The following CSMD1 variants were observed in gnomAD, a reference collection of about 807,000 sequenced individuals.
CSMD1 encodes CUB and sushi domain-containing protein 1.
A neutral mutation model predicts 417.5 loss-of-function variants in CSMD1; 213 were observed. The observed-to-expected ratio is 0.51, with a 90% CI of 0.46 to 0.57. The LOEUF (loss-of-function observed/expected upper bound fraction) is 0.57, where lower values mean the gene tolerates loss of function less well. Ranked by LOEUF, CSMD1 falls within the 20% of genes least tolerant of loss-of-function variation. The pLI is 0.00. For synonymous variants in CSMD1, 2,862 were observed against 1,736.8 expected (o/e 1.65, Z -16.11); for missense variants, 6,923 against 4,529.7 (o/e 1.53, Z -15.17).
intron 5 of CSMD1, among the ~76,000 whole-genome samples, chr8:3,761,678 G>A (rs569318094): frequency 1.3e-5 from 2 of 151,906 alleles, no homozygotes; most frequent in South Asian, 4.2e-4. Flanking sequence ...GCTAATTTTT[G>A]TATTTTTAGT....
intron 2 of CSMD1, among the ~76,000 whole-genome samples, chr8:4,458,908 T>C (rs563508403): frequency 1.3e-5 from 2 of 152,298 alleles, no homozygotes; most frequent in African/African-American, 2.4e-5. Flanking sequence ...GAGAATGTAT[T>C]AAAAATATTT....
chr8:3,869,833 A>G (rs1805360314), intron 5 of CSMD1, among the ~76,000 whole-genome samples: 1 of 151,926 alleles, frequency 6.6e-6, no homozygotes, highest in Non-Finnish European at 1.5e-5. Flanking sequence ...CCACTTAATA[A>G]TCACATTCCA....
chr8:4,159,497 A>G (rs1797024514), intron 3 of CSMD1, among the ~76,000 whole-genome samples: 1 of 152,234 alleles, frequency 6.6e-6, no homozygotes, highest in African/African-American at 2.4e-5. Context: ...GAGTGGATAA[A>G]GAAACTGTGG....
At chr8:4,300,703 G>A (rs945295413) in intron 3 of CSMD1, among the ~76,000 whole-genome samples, 3 of 152,090 alleles carry the variant, frequency 2.0e-5, no homozygotes, top group African/African-American at 7.2e-5. Context: ...CCCCACAACA[G>A]TCCCCGGAGT....
intron 4 of CSMD1, among the ~76,000 whole-genome samples, chr8:4,014,479 T>G (rs746096758): frequency 6.6e-6 from 1 of 152,190 alleles, no homozygotes; most frequent in African/African-American, 2.4e-5. Flanking sequence ...TTTTAGACAT[T>G]GAGTTGGCTT....
chr8:4,007,073 C>T (rs1013036990), intron 4 of CSMD1, among the ~76,000 whole-genome samples: 1 of 152,006 alleles, frequency 6.6e-6, no homozygotes, highest in African/African-American at 2.4e-5. Flanking sequence ...CTCCTCACTT[C>T]GTGATCCAGC....
chr8:3,236,482 T>A (rs1488741709), intron 26 of CSMD1, among the ~76,000 whole-genome samples: 1 of 152,176 alleles, frequency 6.6e-6, no homozygotes, highest in South Asian at 2.1e-4. Flanking sequence ...GCAGAATACA[T>A]CGGTTGGGTC....
chr8:3,638,843 A>T (rs1200765785), intron 7 of CSMD1, among the ~76,000 whole-genome samples: 1 of 152,172 alleles, frequency 6.6e-6, no homozygotes. Context: ...CTCCAGGAAG[A>T]TACCCTGGAA....
intron 1 of CSMD1, among the ~76,000 whole-genome samples, chr8:4,680,461 C>T (rs1805967868): frequency 6.6e-6 from 1 of 152,114 alleles, no homozygotes; most frequent in Non-Finnish European, 1.5e-5. Context: ...CATCATCGTA[C>T]CTTCACACTT....
Position 3,961,710 on chromosome 8 carries a change from T to C in CSMD1, c.818+36193A>G, listed in dbSNP as rs79492633. 5.7e-3 allele frequency among the ~76,000 whole-genome samples: 871 copies of C among 152,326 alleles called. 5 individuals are homozygous for C. Among genetic ancestry groups the C allele is most frequent in the African/African-American group, 0.019 (793 of 41,580 alleles). ...TCAAAAAAGAAAAAGATTGCTGCGA[T>C]ACTCATGGGAGCATTTCCTGCGTAT... On this transcript the variant is annotated intron_variant, in intron 5 of 69. Transcript: ENST00000635120.
intron 1 of CSMD1, among the ~76,000 whole-genome samples, chr8:4,938,242 T>C (rs1325277937): frequency 6.6e-6 from 1 of 152,104 alleles, no homozygotes; most frequent in Non-Finnish European, 1.5e-5. Context: ...CACTAGAAAA[T>C]GGATTTCAAT....
At chr8:3,400,547 T>A (rs1263242724) in intron 15 of CSMD1, among the ~76,000 whole-genome samples, 2 of 151,794 alleles carry the variant, frequency 1.3e-5, no homozygotes, top group Admixed American at 1.3e-4. Context: ...ACAGAAAAAA[T>A]AAAAGCAAAA....
In CSMD1 at chr8:4,449,391, G is replaced by C. The variant is rs747396195; in HGVS notation, c.303-29326C>G. On this transcript the variant is annotated intron_variant, in intron 2 of 69. Coordinates refer to ENST00000635120, the MANE Select transcript of CSMD1 (RefSeq NM_033225.6). Reference sequence around the variant, plus strand: ...AATGATTCTGGTGTATAACATAAGAGATACTGTGGCTATGTTTAGAATAGC... The same window carrying C: ...AATGATTCTGGTGTATAACATAAGACATACTGTGGCTATGTTTAGAATAGC... Among the ~76,000 whole-genome samples, 5 of 152,236 alleles carry C rather than the reference G, an allele frequency of 3.3e-5. No individual in the cohort carries two copies. In the East Asian group the frequency reaches 5.8e-4, roughly 18 times the overall value.
At chr8:3,362,924 T>G (rs777780627) in intron 20 of CSMD1, among the ~76,000 whole-genome samples, 2 of 152,226 alleles carry the variant, frequency 1.3e-5, no homozygotes, top group Non-Finnish European at 2.9e-5. Context: ...GTCTTTCAAG[T>G]AAACATTGAA....
chr8:4,342,728 C>G lies in CSMD1; in HGVS notation c.415+77225G>C, dbSNP rs554763965. 7.9e-5 allele frequency among the ~76,000 whole-genome samples: 12 copies of G among 152,188 alleles called. 1 individual carries two copies. The highest frequency in any genetic ancestry group is 2.9e-4 in the African/African-American group (12 of 41,550). ...AGGAGGTTAGCAAAGGGAGAACATT[C>G]CGCAGTAGACAGGCTTGCAGAAGAC... On this transcript the variant is annotated intron_variant, in intron 3 of 69. Transcript: ENST00000635120.
intron 1 of CSMD1, among the ~76,000 whole-genome samples, chr8:4,977,968 T>A (rs1810662313): frequency 6.6e-6 from 1 of 152,144 alleles, no homozygotes; most frequent in Admixed American, 6.5e-5. Flanking sequence ...CCTGCACAGG[T>A]GCTGTATTTA....
At chr8:3,226,027 A>G (rs944523889) in intron 27 of CSMD1, among the ~76,000 whole-genome samples, 8 of 152,282 alleles carry the variant, frequency 5.3e-5, no homozygotes, top group Admixed American at 2.6e-4. Flanking sequence ...CAGCTCCTTC[A>G]CCACCAGGGT....
At chr8:4,954,506 C>T (rs1025680302) in intron 1 of CSMD1, among the ~76,000 whole-genome samples, 2 of 152,098 alleles carry the variant, frequency 1.3e-5, no homozygotes, top group African/African-American at 4.8e-5. Context: ...AGAATAGATG[C>T]ATTCCACCTC....
intron 1 of CSMD1, among the ~76,000 whole-genome samples, chr8:4,750,278 A>T (rs1384703686): frequency 6.6e-6 from 1 of 152,156 alleles, no homozygotes; most frequent in Non-Finnish European, 1.5e-5. Context: ...CAGTGCTGGG[A>T]TTACAGGGTG....
Sources: allele counts gnomAD v4.1 joint callset (sites outside exome capture counted in the v4.1 genomes callset), GRCh38; gene constraint gnomAD v4.1.1; transcripts MANE v1.5; gene names NCBI Gene and HGNC (gene_info 2026-07-23, HGNC 2026-07-21).